SLC25A26: variants seen among roughly 807,000 people sequenced by gnomAD.
SLC25A26 encodes the protein mitochondrial S-adenosylmethionine carrier protein.
SLC25A26 carries 36 observed loss-of-function variants against 37.8 expected under a neutral mutation model. The ratio of observed to expected loss-of-function variants is 0.95; its 90% CI spans 0.73 to 1.26. The LOEUF (loss-of-function observed/expected upper bound fraction) is 1.26. Ranked by LOEUF, SLC25A26 falls within the 50% of genes most tolerant of loss-of-function variation. The pLI is 0.00. For synonymous variants in SLC25A26, 129 were observed against 122.5 expected, an observed-to-expected ratio of 1.05 and a Z score of -0.35; for missense variants, 390 against 331.1, an observed-to-expected ratio of 1.18 and a Z score of -1.38.
At chr3:66,363,475 A>T (rs1198783915) in intron 7 of SLC25A26, among the ~76,000 whole-genome samples, 1 of 152,238 alleles carries the variant, frequency 6.6e-6, no homozygotes, top group Non-Finnish European at 1.5e-5. Flanking sequence ...TTAAAGCAAG[A>T]GCGAGGTGAC....
At chr3:66,252,481 T>G (rs1180782610) in intron 3 of SLC25A26, among the ~76,000 whole-genome samples, 4 of 152,192 alleles carry the variant, frequency 2.6e-5, no homozygotes, top group African/African-American at 9.7e-5. Context: ...GATTTGTGAC[T>G]TGTCCACTTA....
At chr3:66,157,298 T>G (rs1576601260) in intron 1 of SLC25A26, among the ~76,000 whole-genome samples, 1 of 152,144 alleles carries the variant, frequency 6.6e-6, no homozygotes, top group Admixed American at 6.5e-5. Flanking sequence ...TTCTAAAAGC[T>G]TTGCTTGCAG....
chr3:66,330,367 A>G (rs1246498704), intron 5 of SLC25A26, among the ~76,000 whole-genome samples: 5 of 152,156 alleles, frequency 3.3e-5, no homozygotes, highest in African/African-American at 9.7e-5. Context: ...AGATGTGACA[A>G]CAGGTCAGCC....
At chr3:66,212,847 T>C (rs945117885) in intron 1 of SLC25A26, among the ~76,000 whole-genome samples, 151,112 of 152,332 alleles carry the variant, frequency 0.99, 74,959 homozygotes, top group Non-Finnish European at 1. Flanking sequence ...AACAATACTC[T>C]ACCATATGTA....
chr3:66,323,441 G>C (rs2075749514), intron 5 of SLC25A26, among the ~76,000 whole-genome samples: 1 of 152,212 alleles, frequency 6.6e-6, no homozygotes, highest in Admixed American at 6.5e-5. Flanking sequence ...TTGCAATAGA[G>C]AAAGAGTTTA....
chr3:66,355,059 C>A (rs2107776850), intron 6 of SLC25A26, among the ~76,000 whole-genome samples: 1 of 152,072 alleles, frequency 6.6e-6, no homozygotes, highest in East Asian at 1.9e-4. Flanking sequence ...GCTCATAGAA[C>A]CCCCAGTCAG....
At chr3:66,377,267 CAG>C (rs562723716) in intron 9 of SLC25A26, among the ~76,000 whole-genome samples, 53 of 152,228 alleles carry the variant, frequency 3.5e-4, no homozygotes, top group Non-Finnish European at 5.4e-4. Flanking sequence ...AAAAGGAACA[CAG>C]GGAATCCATG....
intron 2 of SLC25A26, among the ~76,000 whole-genome samples, chr3:66,240,179 A>C (rs571722775): frequency 1.3e-4 from 20 of 152,270 alleles, no homozygotes; most frequent in African/African-American, 2.2e-4. Context: ...TTTTAAGTGG[A>C]TACTCCGCAA....
intron 1 of SLC25A26, among the ~76,000 whole-genome samples, chr3:66,165,917 A>G (rs1272683703): frequency 1.3e-5 from 1 of 75,262 alleles, no homozygotes; most frequent in Non-Finnish European, 2.8e-5. Flanking sequence ...CCCTACCCCC[A>G]CCACCCCACC....
At chr3:66,165,954 C>T (rs1471049027) in intron 1 of SLC25A26, among the ~76,000 whole-genome samples, 1 of 151,746 alleles carries the variant, frequency 6.6e-6, no homozygotes, top group Non-Finnish European at 1.5e-5. Context: ...ATCCCAACCC[C>T]ACAGACAGTT....
chr3:66,362,614 T>G (rs1575610639), intron 6 of SLC25A26, among the ~76,000 whole-genome samples: 1 of 152,198 alleles, frequency 6.6e-6, no homozygotes, highest in Admixed American at 6.5e-5. Flanking sequence ...TTTGTGTGCG[T>G]GCACACACAC....
chr3:66,326,950 G>A (rs960779014), intron 5 of SLC25A26, among the ~76,000 whole-genome samples: 2 of 152,222 alleles, frequency 1.3e-5, no homozygotes, highest in African/African-American at 4.8e-5. Context: ...GACCCTGGCA[G>A]TACCTGCTGC....
intron 1 of SLC25A26, among the ~76,000 whole-genome samples, chr3:66,138,639 G>A (rs1489986987): frequency 6.7e-6 from 1 of 150,130 alleles, no homozygotes; most frequent in African/African-American, 2.4e-5. Context: ...GAGGATTGAT[G>A]CAGGGGGAGG....
intron 5 of SLC25A26, among the ~76,000 whole-genome samples, chr3:66,320,180 G>A (rs546123230): frequency 3.9e-5 from 6 of 152,200 alleles, no homozygotes; most frequent in Non-Finnish European, 4.4e-5. Flanking sequence ...TACATTCAGT[G>A]TTGTGCAACC....
At chr3:66,269,362 C>T (rs148700624) in intron 5 of SLC25A26, among the ~76,000 whole-genome samples, 42 of 152,286 alleles carry the variant, frequency 2.8e-4, no homozygotes, top group Non-Finnish European at 5.6e-4. Flanking sequence ...TAAAGCTCTT[C>T]AGCTATAATG....
intron 1 of SLC25A26, among the ~76,000 whole-genome samples, chr3:66,177,135 A>G (rs2070601620): frequency 6.6e-6 from 1 of 152,194 alleles, no homozygotes; most frequent in Non-Finnish European, 1.5e-5. Flanking sequence ...ATGTTTAATC[A>G]AAAGAAAGGC....
intron 5 of SLC25A26, among the ~76,000 whole-genome samples, chr3:66,299,753 C>T (rs1321602780): frequency 2.6e-5 from 4 of 152,064 alleles, no homozygotes; most frequent in Non-Finnish European, 4.4e-5. Flanking sequence ...TTTTATTAAA[C>T]GTCTTGATTG....
At chr3:66,312,129 T>A (rs994286940) in intron 5 of SLC25A26, among the ~76,000 whole-genome samples, 2 of 152,166 alleles carry the variant, frequency 1.3e-5, no homozygotes, top group African/African-American at 4.8e-5. Flanking sequence ...CTTATGGAGA[T>A]GGGAGTTTTA....
chr3:66,254,179 A>G (rs1417907076), intron 3 of SLC25A26, among the ~76,000 whole-genome samples: 1 of 152,218 alleles, frequency 6.6e-6, no homozygotes, highest in African/African-American at 2.4e-5. Context: ...GGATTTGTAA[A>G]TTGGTTTTGT....
Sources: allele counts gnomAD v4.1 joint callset (sites outside exome capture counted in the v4.1 genomes callset), GRCh38; gene constraint gnomAD v4.1.1; transcripts MANE v1.5; gene names NCBI Gene and HGNC (gene_info 2026-07-23, HGNC 2026-07-21).